The following CNTNAP2 variants were observed in gnomAD, a reference collection of about 807,000 sequenced individuals.
CNTNAP2 encodes the protein contactin-associated protein-like 2.
CNTNAP2 carries 98 observed loss-of-function variants against 155.2 expected under a neutral mutation model. That is an observed-to-expected ratio of 0.63 (90% CI 0.54 to 0.75). The LOEUF is 0.75. Among genes scored for constraint, CNTNAP2 ranks in the 30% least tolerant of loss-of-function variants. CNTNAP2 has a pLI of 0.00. For missense variants in CNTNAP2, 1,727 were observed against 1,688.1 expected (o/e 1.02, Z -0.40); for synonymous variants, 651 against 631.2 (o/e 1.03, Z -0.47).
At chr7:147,132,112 G>C (rs1265550964) in intron 7 of CNTNAP2, 133 bp from the exon 8 acceptor site, 6 of 1,133,176 alleles carry the variant, frequency 5.3e-6, no homozygotes, top group Non-Finnish European at 7.9e-6. Context: ...TCCATGCTCT[G>C]CTGCTGTGTG....
chr7:148,317,980 C>T (rs531523310), intron 21 of CNTNAP2, among the ~76,000 whole-genome samples: 1 of 151,860 alleles, frequency 6.6e-6, no homozygotes, highest in South Asian at 2.1e-4. Flanking sequence ...CGTGCCCGGC[C>T]CTGCCCTGAG....
chr7:148,108,758 T>C (rs1001936956), intron 15 of CNTNAP2, among the ~76,000 whole-genome samples: 10 of 152,180 alleles, frequency 6.6e-5, no homozygotes, highest in African/African-American at 2.4e-4. Context: ...GTTGGTTAAG[T>C]TGTATTGCAC....
intron 1 of CNTNAP2, among the ~76,000 whole-genome samples, chr7:146,230,603 G>T (rs901726108): frequency 3.3e-5 from 5 of 152,146 alleles, no homozygotes; most frequent in African/African-American, 1.2e-4. Context: ...GTATAGCTTG[G>T]CTTTGGAGTG....
intron 2 of CNTNAP2, among the ~76,000 whole-genome samples, chr7:146,806,391 G>C (rs1305817995): frequency 1.3e-5 from 2 of 151,966 alleles, no homozygotes; most frequent in African/African-American, 4.8e-5. Flanking sequence ...AGCTACTTGG[G>C]AGGCTGAGGC....
intron 8 of CNTNAP2, among the ~76,000 whole-genome samples, chr7:147,241,410 T>C (rs1287686194): frequency 2.0e-5 from 3 of 152,004 alleles, no homozygotes; most frequent in Admixed American, 6.6e-5. Flanking sequence ...GGTGGATCAG[T>C]TGAGGTCAGG....
At chr7:147,460,984 T>A (rs2116587465) in intron 10 of CNTNAP2, among the ~76,000 whole-genome samples, 1 of 152,316 alleles carries the variant, frequency 6.6e-6, no homozygotes, top group Non-Finnish European at 1.5e-5. Flanking sequence ...AGAAGTTGTG[T>A]CGTGATGGTA....
intron 1 of CNTNAP2, among the ~76,000 whole-genome samples, chr7:146,301,109 A>G (rs1242740223): frequency 6.6e-6 from 1 of 152,142 alleles, no homozygotes; most frequent in Non-Finnish European, 1.5e-5. Flanking sequence ...AGCAGACCCA[A>G]CATTCCAGGT....
At chr7:147,136,539 G>A (rs1306802034) in intron 8 of CNTNAP2, among the ~76,000 whole-genome samples, 3 of 151,914 alleles carry the variant, frequency 2.0e-5, no homozygotes, top group Non-Finnish European at 4.4e-5. Context: ...GGAGGAGTGG[G>A]AGTTTTCTTG....
intron 3 of CNTNAP2, among the ~76,000 whole-genome samples, chr7:146,985,975 C>T (rs1443139359): frequency 6.6e-6 from 1 of 151,238 alleles, no homozygotes; most frequent in Non-Finnish European, 1.5e-5. Flanking sequence ...TTTTTGGTAA[C>T]ACTTTAGGTT....
intron 1 of CNTNAP2, among the ~76,000 whole-genome samples, chr7:146,120,135 C>T (rs1584758550): frequency 6.6e-6 from 1 of 151,866 alleles, no homozygotes; most frequent in Non-Finnish European, 1.5e-5. Flanking sequence ...AGTCTATTTT[C>T]TCTTCCTCAA....
At chr7:147,633,792 G>C (rs1463724204) in intron 12 of CNTNAP2, among the ~76,000 whole-genome samples, 1 of 152,138 alleles carries the variant, frequency 6.6e-6, no homozygotes, top group African/African-American at 2.4e-5. Context: ...TGCCATGATT[G>C]TAAGTTTCCT....
intron 1 of CNTNAP2, among the ~76,000 whole-genome samples, chr7:146,209,852 A>G (rs1247217015): frequency 6.6e-6 from 1 of 152,204 alleles, no homozygotes; most frequent in Non-Finnish European, 1.5e-5. Context: ...ATATATGGAC[A>G]GAATAGTCCA....
intron 13 of CNTNAP2, among the ~76,000 whole-genome samples, chr7:147,727,944 CA>C (rs1196195811): frequency 2.0e-5 from 3 of 151,878 alleles, no homozygotes; most frequent in African/African-American, 7.3e-5. Context: ...TCTCACTAGC[CA>C]CCCCTATGGT....
chr7:146,789,116 A>T (rs1358442644), intron 2 of CNTNAP2, among the ~76,000 whole-genome samples: 1 of 152,230 alleles, frequency 6.6e-6, no homozygotes, highest in Non-Finnish European at 1.5e-5. Flanking sequence ...CAGTTTGATG[A>T]ATAAGAAAAC....
intron 18 of CNTNAP2, among the ~76,000 whole-genome samples, chr7:148,174,417 A>C (rs1440085580): frequency 1.7e-4 from 25 of 150,708 alleles, no homozygotes; most frequent in Admixed American, 6.0e-4. Context: ...AGTTCCTGTG[A>C]CCGCCCCCCA....
At chr7:147,680,478 G>A (rs1282868693) in intron 13 of CNTNAP2, among the ~76,000 whole-genome samples, 1 of 151,848 alleles carries the variant, frequency 6.6e-6, no homozygotes, top group Non-Finnish European at 1.5e-5. Context: ...AATGAACACT[G>A]GCCGAAGTGC....
At chr7:147,467,897 G>A (rs1215386186) in intron 10 of CNTNAP2, among the ~76,000 whole-genome samples, 4 of 151,994 alleles carry the variant, frequency 2.6e-5, no homozygotes, top group African/African-American at 9.7e-5. Context: ...CAGGCATGGT[G>A]ATGCATGCCT....
At chr7:147,507,789 G>C (rs949904875) in intron 11 of CNTNAP2, among the ~76,000 whole-genome samples, 2 of 151,954 alleles carry the variant, frequency 1.3e-5, no homozygotes, top group Admixed American at 1.3e-4. Context: ...CTGACCTCGT[G>C]ATCGGCCTGC....
chr7:147,199,204 C>G (rs1802871346), intron 8 of CNTNAP2, among the ~76,000 whole-genome samples: 1 of 152,036 alleles, frequency 6.6e-6, no homozygotes, highest in Non-Finnish European at 1.5e-5. Flanking sequence ...TCAGGTAATG[C>G]ACCCGCCTTG....
Sources: gnomAD v4.1 joint callset for allele counts (sites outside exome capture counted in the v4.1 genomes callset) on GRCh38, gnomAD v4.1.1 for gene constraint, MANE v1.5 for transcripts, NCBI Gene and HGNC (gene_info 2026-07-23, HGNC 2026-07-21) for gene names.